The following LRRC28 variants were observed in gnomAD, a reference collection of about 807,000 sequenced individuals.
The protein encoded by LRRC28 is leucine rich repeat containing 28, also known as leucine-rich repeat-containing protein 28.
In LRRC28, 39 loss-of-function variants were observed where a neutral mutation model predicts 45.7. That is an observed-to-expected ratio of 0.85 (90% CI 0.66 to 1.12). The LOEUF (loss-of-function observed/expected upper bound fraction) is 1.12, where lower values mean the gene tolerates loss of function less well. Among genes scored for constraint, LRRC28 ranks in the 50% most tolerant of loss-of-function variants. The probability of loss-of-function intolerance (pLI) is 0.00; values close to 1 mark genes in which losing one functional copy is unlikely to be tolerated. For missense variants in LRRC28, 435 were observed against 438.5 expected (o/e 0.99, Z 0.07); for synonymous variants, 206 against 178.8 (o/e 1.15, Z -1.22).
intron 5 of LRRC28, among the ~76,000 whole-genome samples, chr15:99,295,340 T>G (rs563751220): frequency 3.3e-5 from 5 of 152,358 alleles, no homozygotes; most frequent in African/African-American, 1.2e-4. Context: ...TTTAAACTAA[T>G]TTTCTCCCAA....
At chr15:99,258,022 C>A in intron 2 of LRRC28, 1 of 1,101,048 alleles carries the variant, frequency 9.1e-7, no homozygotes, top group South Asian at 1.2e-5. Flanking sequence ...AACTAACAGT[C>A]AAAATTAAGT....
At position 99,363,048 on chromosome 15, in the gene LRRC28, G is replaced by A. The variant is rs559050484; in HGVS notation, c.872-58G>A. The A allele has an allele frequency of 7.1e-5, 108 of 1,525,858 alleles. 2 individuals carry two copies. The highest frequency in any genetic ancestry group is 6.2e-4 in the South Asian group (50 of 81,032). The allele number at this position is 1,525,858 out of a possible 1,614,324, so 94.5% of individuals were successfully genotyped here. A position where few individuals can be genotyped will look rare whatever the true frequency, so the allele number is the denominator to read the frequency against. ...TTTGGTAACAAATATTTTAAGAAGC[G>A]TAGTTTAAGGAAGTCTGATTTTTTT... On this transcript the variant is annotated intron_variant, in intron 8 of 9. Coordinates refer to ENST00000301981, the MANE Select transcript of LRRC28 (RefSeq NM_144598.5).
At chr15:99,273,641 C>A (rs1204056160) in intron 2 of LRRC28, among the ~76,000 whole-genome samples, 1 of 152,188 alleles carries the variant, frequency 6.6e-6, no homozygotes, top group Non-Finnish European at 1.5e-5. Context: ...TTAATAAAGA[C>A]ATAGAGATGC....
At chr15:99,366,616 G>A (rs1957347365) in intron 9 of LRRC28, among the ~76,000 whole-genome samples, 1 of 152,032 alleles carries the variant, frequency 6.6e-6, no homozygotes, top group South Asian at 2.1e-4. Context: ...CTCCTTACAT[G>A]GCAGAGAATG....
intron 3 of LRRC28, among the ~76,000 whole-genome samples, chr15:99,278,428 A>G (rs2081681396): frequency 6.6e-6 from 1 of 152,092 alleles, no homozygotes. Context: ...TTGTATTTTT[A>G]GTAGAGACGG....
intron 3 of LRRC28, among the ~76,000 whole-genome samples, chr15:99,278,187 C>T (rs562107242): frequency 1.3e-5 from 2 of 152,236 alleles, no homozygotes; most frequent in African/African-American, 2.4e-5. Flanking sequence ...TGCATTGGCT[C>T]GTTCCTCTAG....
intron 2 of LRRC28, among the ~76,000 whole-genome samples, chr15:99,269,386 A>C: frequency 6.6e-6 from 1 of 152,160 alleles, no homozygotes; most frequent in Non-Finnish European, 1.5e-5. Flanking sequence ...TGAATTCTGC[A>C]CACTTTACCA....
At chr15:99,314,946 G>A (rs1482814790) in intron 5 of LRRC28, among the ~76,000 whole-genome samples, 2 of 152,116 alleles carry the variant, frequency 1.3e-5, no homozygotes, top group East Asian at 3.8e-4. Flanking sequence ...TTTGGTTGTA[G>A]CTTTCTCTGA....
At chr15:99,377,953 T>A (rs185278110) in intron 9 of LRRC28, among the ~76,000 whole-genome samples, 1 of 152,154 alleles carries the variant, frequency 6.6e-6, no homozygotes, top group Non-Finnish European at 1.5e-5. Flanking sequence ...TATCCTTGTA[T>A]TATAGTTTGA....
At chr15:99,356,177 A>C (rs1213841855) in intron 7 of LRRC28, among the ~76,000 whole-genome samples, 2 of 152,224 alleles carry the variant, frequency 1.3e-5, no homozygotes, top group Non-Finnish European at 2.9e-5. Context: ...TATCTAGGAA[A>C]CGTTCCAAAA....
intron 5 of LRRC28, among the ~76,000 whole-genome samples, chr15:99,327,351 G>A (rs1213244310): frequency 2.0e-5 from 3 of 152,194 alleles, no homozygotes; most frequent in Non-Finnish European, 4.4e-5. Context: ...TTATAGGTGT[G>A]AGCCACTGTG....
intron 6 of LRRC28, among the ~76,000 whole-genome samples, chr15:99,346,324 G>GTGCCA (rs1407991090): frequency 6.6e-6 from 1 of 152,208 alleles, no homozygotes; most frequent in African/African-American, 2.4e-5. Flanking sequence ...CTATAGGCAT[G>GTGCCA]TGCCACCACT....
At chr15:99,360,157 C>T (rs1957162398) in intron 7 of LRRC28, among the ~76,000 whole-genome samples, 1 of 152,196 alleles carries the variant, frequency 6.6e-6, no homozygotes, top group Non-Finnish European at 1.5e-5. Flanking sequence ...CCCTGTCCAT[C>T]CATACCCTGC....
intron 9 of LRRC28, 140 bp downstream of exon 9, chr15:99,363,405 A>G: frequency 1.2e-6 from 1 of 834,298 alleles, no homozygotes. Context: ...GCTAAATGAA[A>G]CGATGCTCAC....
intron 2 of LRRC28, chr15:99,259,794 G>A: frequency 9.6e-7 from 1 of 1,047,022 alleles, no homozygotes; most frequent in Admixed American, 1.7e-5. Flanking sequence ...CAGTGATTCG[G>A]TCAGGATGTC....
In LRRC28 at chr15:99,386,285, C is replaced by T; in HGVS notation, c.*183C>T. 1 of 543,440 alleles carries T rather than the reference C, an allele frequency of 1.8e-6. No homozygotes were observed. The highest frequency in any genetic ancestry group is 3.3e-6 in the Non-Finnish European group (1 of 305,276). The allele number at this position is 543,440 out of a possible 1,614,324, so 33.7% of individuals were successfully genotyped here. A position where few individuals can be genotyped will look rare whatever the true frequency, so the allele number is the denominator to read the frequency against. ...CCCCCAAGTTGGAATATATCCTCCC[C>T]CAAATTAAGGACCCATTTGTCTTCT... is the stretch of plus-strand genomic sequence containing the variant. On this transcript the variant is annotated 3_prime_UTR_variant, in exon 10 of 10. Transcript: ENST00000301981.
chr15:99,334,758 T>G (rs759830561), intron 6 of LRRC28, among the ~76,000 whole-genome samples: 1 of 152,116 alleles, frequency 6.6e-6, no homozygotes, highest in Non-Finnish European at 1.5e-5. Flanking sequence ...TTTTGTTAAC[T>G]TGTAAGAAAC....
chr15:99,312,095 C>T (rs1597317600), intron 5 of LRRC28, among the ~76,000 whole-genome samples: 1 of 152,142 alleles, frequency 6.6e-6, no homozygotes, highest in African/African-American at 2.4e-5. Flanking sequence ...ACAAATATTT[C>T]TACAGTCACG....
At chr15:99,273,105 A>G (rs1567613703) in intron 2 of LRRC28, among the ~76,000 whole-genome samples, 2 of 152,340 alleles carry the variant, frequency 1.3e-5, no homozygotes, top group East Asian at 1.9e-4. Flanking sequence ...CTACATTGCT[A>G]AAAATATGGC....
Sources: gnomAD v4.1 joint callset for allele counts (sites outside exome capture counted in the v4.1 genomes callset) on GRCh38, gnomAD v4.1.1 for gene constraint, MANE v1.5 for transcripts, NCBI Gene and HGNC (gene_info 2026-07-23, HGNC 2026-07-21) for gene names.